Variants in MAPKAP1 observed in about 807,000 individuals in gnomAD.
MAPKAP1 encodes the protein MAPK associated protein 1.
A neutral mutation model predicts 65.7 loss-of-function variants in MAPKAP1; 20 were observed. That is an observed-to-expected ratio of 0.30 (90% CI 0.21 to 0.44). The LOEUF is 0.44. MAPKAP1 is among the 20% of genes least tolerant of loss of function. The probability of loss-of-function intolerance (pLI) is 1.00; values close to 1 mark genes in which losing one functional copy is unlikely to be tolerated. For missense variants in MAPKAP1, 423 were observed against 648.0 expected (o/e 0.65, Z 3.77); for synonymous variants, 222 against 244.3 (o/e 0.91, Z 0.85).
chr9:125,703,206 C>T (rs987707926), intron 1 of MAPKAP1, among the ~76,000 whole-genome samples: 3 of 152,148 alleles, frequency 2.0e-5, no homozygotes, highest in Non-Finnish European at 2.9e-5. Context: ...CCAGCCTACT[C>T]ATCCTAGTAC....
chr9:125,527,317 T>C (rs1053060947), intron 7 of MAPKAP1, among the ~76,000 whole-genome samples: 8 of 152,102 alleles, frequency 5.3e-5, no homozygotes, highest in African/African-American at 1.9e-4. Context: ...CCACCCACCT[T>C]GGCCTCCCAA....
At chr9:125,571,963 G>A (rs1831247619) in intron 5 of MAPKAP1, among the ~76,000 whole-genome samples, 1 of 152,148 alleles carries the variant, frequency 6.6e-6, no homozygotes, top group African/African-American at 2.4e-5. Flanking sequence ...TACCAATTAA[G>A]TAAAGTATAC....
At position 125,559,739 on chromosome 9, in the gene MAPKAP1, G is replaced by A. The variant is rs1384201281; in HGVS notation, c.742C>T (p.Leu248=). The A allele has an allele frequency of 6.2e-7, 1 of 1,613,914 alleles. No individual in the cohort carries two copies. The highest frequency in any genetic ancestry group is 8.5e-7 in the Non-Finnish European group (1 of 1,179,862). ...DGEVDTDFPP[L]DSNEPIHKFG... Reference sequence around the variant, plus strand: ...TTATGAATGGGCTCATTGGAATCCAGCGGGGGGAAATCGGTGTCCACCTCC... The same window carrying A: ...TTATGAATGGGCTCATTGGAATCCAACGGGGGGAAATCGGTGTCCACCTCC... The change falls in exon 6 of 12, where the codon CTG becomes TTG. Residue 248 remains leucine (L), a synonymous_variant. Coordinates refer to ENST00000265960, the MANE Select transcript of MAPKAP1 (RefSeq NM_001006617.3).
At chr9:125,648,514 C>T (rs1833796961) in intron 4 of MAPKAP1, among the ~76,000 whole-genome samples, 1 of 152,194 alleles carries the variant, frequency 6.6e-6, no homozygotes, top group Admixed American at 6.5e-5. Flanking sequence ...ATTACTTGTC[C>T]TACATCAGAG....
intron 1 of MAPKAP1, chr9:125,696,367 T>C (rs1355832010): frequency 6.7e-6 from 1 of 149,320 alleles, no homozygotes; most frequent in African/African-American, 2.5e-5. Flanking sequence ...GCCGTGATCG[T>C]GCCACTGCAC....
intron 5 of MAPKAP1, chr9:125,568,115 A>G (rs560778636): frequency 6.6e-6 from 1 of 152,190 alleles, no homozygotes; most frequent in African/African-American, 2.4e-5. Context: ...CCCTCTTAAT[A>G]AAAGGCAAGG....
intron 7 of MAPKAP1, among the ~76,000 whole-genome samples, chr9:125,519,384 C>T (rs754521756): frequency 1.3e-5 from 2 of 151,996 alleles, no homozygotes; most frequent in Non-Finnish European, 2.9e-5. Flanking sequence ...GCCTGTAATC[C>T]CAGCACTTTG....
In MAPKAP1 at chr9:125,625,097, C is replaced by T. The variant is rs1036795536; in HGVS notation, c.498+32554G>A. 7.4e-4 allele frequency among the ~76,000 whole-genome samples: 62 copies of T among 83,634 alleles called. 15 individuals are homozygous for T. The highest frequency in any genetic ancestry group is 2.5e-3 in the African/African-American group (57 of 23,028). 54.9% of individuals were successfully genotyped at this position (83,634 alleles called of 152,430 possible). A position where few individuals can be genotyped will look rare whatever the true frequency, so the allele number is the denominator to read the frequency against. On this transcript the variant is annotated intron_variant, in intron 4 of 11. Transcript: ENST00000265960. The stretch of plus-strand genomic sequence containing the variant: ...AATCTCAAGTACCCAGGGACACAAA[C>T]GCTGCGGAAGGCCGCAGGGTCCTCT...
At chr9:125,536,983 A>C (rs1282105717) in intron 7 of MAPKAP1, among the ~76,000 whole-genome samples, 2 of 152,256 alleles carry the variant, frequency 1.3e-5, no homozygotes, top group Non-Finnish European at 1.5e-5. Flanking sequence ...ATCCAGAGTC[A>C]CCACAGGGTT....
intron 10 of MAPKAP1, among the ~76,000 whole-genome samples, chr9:125,462,138 T>A (rs1157264859): frequency 2.6e-4 from 40 of 152,198 alleles, no homozygotes; most frequent in Non-Finnish European, 8.8e-5. Flanking sequence ...ATGCGTGTGT[T>A]CTCTGCTAGA....
At chr9:125,461,777 A>G (rs932497064) in intron 10 of MAPKAP1, among the ~76,000 whole-genome samples, 1 of 152,216 alleles carries the variant, frequency 6.6e-6, no homozygotes, top group African/African-American at 2.4e-5. Context: ...AAAACACAAC[A>G]TAACGTGTCC....
At chr9:125,441,853 C>A (rs1444544989) in intron 11 of MAPKAP1, among the ~76,000 whole-genome samples, 2 of 152,112 alleles carry the variant, frequency 1.3e-5, no homozygotes, top group African/African-American at 4.8e-5. Flanking sequence ...TGGGGCCGGG[C>A]CTGGCGGCTC....
chr9:125,604,651 T>C (rs1832393031), intron 4 of MAPKAP1, among the ~76,000 whole-genome samples: 1 of 152,242 alleles, frequency 6.6e-6, no homozygotes, highest in African/African-American at 2.4e-5. Context: ...ATTTCAATAA[T>C]ATGTTGTTAA....
Position 125,438,178 on chromosome 9 carries a change from C to G in MAPKAP1, c.*709G>C. On this transcript the variant is annotated 3_prime_UTR_variant, in exon 12 of 12. Coordinates refer to ENST00000265960, the MANE Select transcript of MAPKAP1 (RefSeq NM_001006617.3). ...CTCCTGGCACCCCACACTGTCCACG[C>G]AGCTCCTGGGCTCTGAGGTCAGAAG... The G allele has an allele frequency of 5.1e-6, 2 of 393,798 alleles. No individual in the cohort carries two copies. The highest frequency in any genetic ancestry group is 8.9e-6 in the Non-Finnish European group (2 of 223,502). 24.4% of individuals were successfully genotyped at this position (393,798 alleles called of 1,614,324 possible). A position where few individuals can be genotyped will look rare whatever the true frequency, so the allele number is the denominator to read the frequency against.
intron 8 of MAPKAP1, among the ~76,000 whole-genome samples, chr9:125,500,741 T>C (rs1364285274): frequency 1.3e-5 from 2 of 152,234 alleles, no homozygotes; most frequent in Non-Finnish European, 1.5e-5. Context: ...TTTTTTTACA[T>C]GTATAAGTAT....
chr9:125,511,470 C>G (rs1829299926), intron 7 of MAPKAP1, among the ~76,000 whole-genome samples: 2 of 152,168 alleles, frequency 1.3e-5, no homozygotes, highest in African/African-American at 2.4e-5. Context: ...CAGGCCTGCA[C>G]TCTCTATATT....
intron 1 of MAPKAP1, among the ~76,000 whole-genome samples, chr9:125,672,925 A>G (rs887092276): frequency 5.3e-5 from 8 of 152,220 alleles, no homozygotes; most frequent in Admixed American, 5.2e-4. Flanking sequence ...CTCGAAGCAC[A>G]TAACTACTGT....
intron 7 of MAPKAP1, among the ~76,000 whole-genome samples, chr9:125,534,802 T>C (rs1830027594): frequency 6.6e-6 from 1 of 152,196 alleles, no homozygotes; most frequent in Non-Finnish European, 1.5e-5. Flanking sequence ...CCTCTTTACC[T>C]GCCTAGTTTC....
intron 4 of MAPKAP1, among the ~76,000 whole-genome samples, chr9:125,611,484 G>A (rs1045459354): frequency 6.6e-6 from 1 of 152,182 alleles, no homozygotes; most frequent in Non-Finnish European, 1.5e-5. Context: ...CAGAAGAAGA[G>A]AAAAGAATAA....
Sources: allele counts gnomAD v4.1 joint callset (sites outside exome capture counted in the v4.1 genomes callset), GRCh38; gene constraint gnomAD v4.1.1; transcripts MANE v1.5; gene names NCBI Gene and HGNC (gene_info 2026-07-23, HGNC 2026-07-21).